Variants in FDXR observed in about 807,000 individuals in gnomAD.
FDXR encodes the protein ferredoxin reductase.
Under a neutral mutation model 58.3 loss-of-function variants are expected in FDXR, and 38 were observed. The ratio of observed to expected loss-of-function variants is 0.65; its 90% confidence interval spans 0.50 to 0.85. The LOEUF is 0.85. FDXR is among the 40% of genes least tolerant of loss of function. The probability of loss-of-function intolerance (pLI) is 0.00; values close to 1 mark genes in which losing one functional copy is unlikely to be tolerated. For missense variants in FDXR, 624 were observed against 671.0 expected (o/e 0.93, Z 0.77); for synonymous variants, 275 against 273.8 (o/e 1.00, Z -0.04).
intron 2 of FDXR, among the ~76,000 whole-genome samples, chr17:74,870,516 CAAAAAA>C (rs1168237892): frequency 1.8e-5 from 1 of 55,008 alleles, no homozygotes; most frequent in African/African-American, 8.5e-5. Context: ...GACTCCATCT[CAAAAAA>C]AAAAAAAAAA....
chr17:74,869,278 G>C (rs2038294817), intron 2 of FDXR, among the ~76,000 whole-genome samples: 1 of 152,234 alleles, frequency 6.6e-6, no homozygotes, highest in African/African-American at 2.4e-5. Context: ...CCCAGCCACA[G>C]AGTTTGATTA....
rs1400465566 is a variant in FDXR at position 74,864,580 on chromosome 17, A to G, written c.718-16T>C. On this transcript the variant is annotated splice_polypyrimidine_tract_variant and intron_variant, in intron 7 of 11. Transcript: ENST00000293195. The stretch of plus-strand genomic sequence containing the variant: ...CCCGAAGCTCCTTGAAGGTGGGAGC[A>G]GGGAATGGGGGAGGAGGTCAGGCCC... The G allele has an allele frequency of 1.2e-6, 2 of 1,610,558 alleles. No homozygotes were observed. Among genetic ancestry groups the G allele is most frequent in the East Asian group, 4.5e-5 (2 of 44,814 alleles).
At chr17:74,868,058 C>T (rs1257290716) in intron 2 of FDXR, among the ~76,000 whole-genome samples, 1 of 151,964 alleles carries the variant, frequency 6.6e-6, no homozygotes, top group Non-Finnish European at 1.5e-5. Context: ...CTCCCTACCC[C>T]CAACAAAGGC....
intron 1 of FDXR, 109 bp downstream of exon 1, chr17:74,872,757 C>T (rs1297776908): frequency 1.3e-6 from 2 of 1,534,760 alleles, no homozygotes; most frequent in Non-Finnish European, 1.7e-6. Flanking sequence ...GAAGACACCC[C>T]TTCAGTCTCA....
Position 74,864,258 on chromosome 17 carries a change from A to G in FDXR, c.892T>C (p.Ser298Pro). The G allele has an allele frequency of 6.3e-7, 1 of 1,599,482 alleles. No individual in the cohort carries two copies. Among genetic ancestry groups the G allele is most frequent in the Non-Finnish European group, 8.5e-7 (1 of 1,169,606 alleles). Residue 298 changes from serine to proline, a missense_variant, in exon 9 of 12, where the codon TCG becomes CCG. Coordinates refer to ENST00000293195, the MANE Select transcript of FDXR (RefSeq NM_024417.5). ...CGGAGGCCCCAGGCACGGGAGGCCG[A>G]TGCCTGGCGGGCAGCTTCCGCCGGC... ...PGPAEAARQA[S>P]ASRAWGLRFF...
intron 1 of FDXR, chr17:74,872,364 C>A (rs886659972): frequency 5.1e-6 from 6 of 1,179,636 alleles, no homozygotes; most frequent in Non-Finnish European, 7.2e-6. Context: ...CCTACTACAC[C>A]ACTGCCAATG....
At position 74,872,129 on chromosome 17, in the gene FDXR, G is replaced by A; in HGVS notation, c.84C>T (p.Phe28=). 1.2e-6 allele frequency: 2 copies of A among 1,604,600 alleles called. No individual in the cohort carries two copies. The highest frequency in any genetic ancestry group is 1.7e-6 in the Non-Finnish European group (2 of 1,175,182). The change falls in exon 2 of 12, where the codon TTC becomes TTT. Residue 28 remains phenylalanine, a synonymous_variant. Coordinates refer to ENST00000293195, the MANE Select transcript of FDXR (RefSeq NM_024417.5). ...RLPPAGSTPS[F]CHHFSTQEKT... ...TCTCCTGTGTGGAGAAATGGTGGCA[G>A]AAGCCTGGGGCCAGGCAGAGGAGAG...
At position 74,862,810 on chromosome 17, in the gene FDXR, G is replaced by A. The variant is rs976577363; in HGVS notation, c.*7C>T. 1 of 1,606,844 alleles carries A rather than the reference G, an allele frequency of 6.2e-7. No individual in the cohort carries two copies. Among genetic ancestry groups the A allele is most frequent in the Non-Finnish European group, 8.5e-7 (1 of 1,178,858 alleles). On this transcript the variant is annotated 3_prime_UTR_variant, in exon 12 of 12. Transcript: ENST00000293195. ...TTCCCTGCTGGGGGCCGGGGCTGGG[G>A]CTGGGCTCAGTGGCCCAGGAGGCGC...
At position 74,862,822 on chromosome 17, in the gene FDXR, G is replaced by A. The variant is rs1272314433; in HGVS notation, c.1471C>T (p.His491Tyr). The change falls in exon 12 of 12, where the codon CAC (histidine) becomes TAC (tyrosine). Residue 491 changes from histidine to tyrosine, a missense_variant. By Grantham distance (83) the His-to-Tyr change is moderately conservative. Transcript: ENST00000293195. ...DPQEMLRLLGH is the reference protein window; with the variant it reads ...DPQEMLRLLGY ...GGCCGGGGCTGGGGCTGGGCTCAGTGGCCCAGGAGGCGCAGCATCTCCTGA... is the reference window on the plus strand; with the variant it reads ...GGCCGGGGCTGGGGCTGGGCTCAGTAGCCCAGGAGGCGCAGCATCTCCTGA... 5.0e-6 allele frequency: 8 copies of A among 1,609,596 alleles called. No homozygotes were observed. The highest frequency in any genetic ancestry group is 6.8e-6 in the Non-Finnish European group (8 of 1,179,512).
chr17:74,864,934 G>A lies in FDXR; in HGVS notation c.610-3C>T. The A allele has an allele frequency of 1.9e-6, 3 of 1,614,136 alleles. No individual in the cohort carries two copies. Among genetic ancestry groups the A allele is most frequent in the Non-Finnish European group, 2.5e-6 (3 of 1,180,000 alleles). ...GCTGCCTTCGTGATGTCCGTTCTCT[G>A]GCACAAAAGGAGGGCCTTGGAGTCA... On this transcript the variant is annotated splice_polypyrimidine_tract_variant and splice_region_variant and intron_variant, in intron 6 of 11. Transcript: ENST00000293195.
rs2038030279 is a variant in FDXR, at chr17:74,863,089, C to G, written c.1332G>C (p.Leu444=). The G allele has an allele frequency of 6.2e-7, 1 of 1,612,280 alleles. No homozygotes were observed. Among genetic ancestry groups the G allele is most frequent in the Non-Finnish European group, 8.5e-7 (1 of 1,179,496 alleles). ...CGGGGCCCAGACCTCGGCTGCTGAGCAGGGCCTGGATGGCTGCGTAGCCAG... is the reference window on the plus strand; with the variant it reads ...CGGGGCCCAGACCTCGGCTGCTGAGGAGGGCCTGGATGGCTGCGTAGCCAG... ...PRPGYAAIQA[L]LSSRGVRPVS... Residue 444 remains leucine (L), a synonymous_variant, in exon 11 of 12, where the codon CTG becomes CTC. Coordinates refer to ENST00000293195, the MANE Select transcript of FDXR (RefSeq NM_024417.5).
At chr17:74,869,968 G>A (rs995426810) in intron 2 of FDXR, 9 of 453,650 alleles carry the variant, frequency 2.0e-5, no homozygotes, top group South Asian at 3.1e-5. Flanking sequence ...CAAGAGGCAC[G>A]ACACCTGCTT....
chr17:74,867,208 G>T (rs1052618089), intron 2 of FDXR, among the ~76,000 whole-genome samples: 1 of 149,902 alleles, frequency 6.7e-6, no homozygotes, highest in Non-Finnish European at 1.5e-5. Flanking sequence ...TTGGGAGGCT[G>T]AGGCAGGAGA....
At position 74,872,990 on chromosome 17, in the gene FDXR, T is replaced by A; in HGVS notation, c.-46A>T. 1 of 1,516,784 alleles carries A rather than the reference T, an allele frequency of 6.6e-7. No individual in the cohort carries two copies. Among genetic ancestry groups the A allele is most frequent in the Non-Finnish European group, 8.9e-7 (1 of 1,123,062 alleles). 94.0% of individuals were successfully genotyped at this position (1,516,784 alleles called of 1,614,324 possible). A position where few individuals can be genotyped will look rare whatever the true frequency, so the allele number is the denominator to read the frequency against. On this transcript the variant is annotated 5_prime_UTR_variant, in exon 1 of 12. Coordinates refer to ENST00000293195, the MANE Select transcript of FDXR (RefSeq NM_024417.5). ...AAGTGGATCTGTTCCTAGCTACTGC[T>A]CCGCAGGGCAAGCCCGCTCCTGCCC... is the stretch of plus-strand genomic sequence containing the variant.
rs2038156279 is a variant in FDXR at position 74,865,771 on chromosome 17, T to A, written c.557A>T (p.Asn186Ile). ...CDTAVILGQG[N>I]VALDVARILL... ...GATGCGGGCCACGTCCAGAGCCACG[T>A]TCCCCTGCCCCAGAATCACGGCTGT... is the stretch of plus-strand genomic sequence containing the variant. The change falls in exon 6 of 12, where the codon AAC becomes ATC. Residue 186 changes from asparagine (N) to isoleucine (I), a missense_variant. Asn to Ile is a moderately radical substitution (Grantham distance 149). Transcript: ENST00000293195. 4.3e-6 allele frequency: 7 copies of A among 1,613,712 alleles called. No individual in the cohort carries two copies. The highest frequency in any genetic ancestry group is 5.9e-6 in the Non-Finnish European group (7 of 1,179,960).
In FDXR at chr17:74,863,987, C is replaced by T. The variant is rs34232683; in HGVS notation, c.1083G>A (p.Gly361=). 929 of 1,614,080 alleles carry T rather than the reference C, an allele frequency of 5.8e-4. 1 individual carries two copies. Among genetic ancestry groups the T allele is most frequent in the Middle Eastern group, 4.8e-3 (29 of 6,062 alleles). The change falls in exon 10 of 12, where the codon GGG becomes GGA. Residue 361 remains glycine (G), a synonymous_variant. Transcript: ENST00000293195. ...TTGGGTCGACAGGGCGGCTCTTATA[C>T]CCAATGCTGCTGAGCACCAGCCCAC... ...LPCGLVLSSI[G]YKSRPVDPSV...
intron 2 of FDXR, among the ~76,000 whole-genome samples, chr17:74,868,992 C>T (rs1324280410): frequency 1.3e-5 from 2 of 152,134 alleles, no homozygotes; most frequent in Non-Finnish European, 2.9e-5. Flanking sequence ...CCTGTTCCCT[C>T]GACCCCATCC....
chr17:74,866,604 G>T, intron 3 of FDXR, 36 bp from the exon 4 acceptor site: 1 of 1,613,128 alleles, frequency 6.2e-7, no homozygotes, highest in East Asian at 2.2e-5. Flanking sequence ...GGGTTAGAGG[G>T]TAAGGCAGCT....
Position 74,862,634 on chromosome 17 carries a change from TA to T in FDXR, c.*182del. 2 of 798,336 alleles carry T rather than the reference TA, an allele frequency of 2.5e-6. No homozygotes were observed. Among genetic ancestry groups the T allele is most frequent in the Non-Finnish European group, 3.8e-6 (2 of 524,210 alleles). The allele number at this position is 798,336 out of a possible 1,614,324, so 49.5% of individuals were successfully genotyped here. ...TAAGGTTACCTCAGTTGCTGAAAGC[TA>T]AAACCTTGCGCGCAAGGGCGACCTT... On this transcript the variant is annotated 3_prime_UTR_variant, in exon 12 of 12. Transcript: ENST00000293195.
Sources: allele counts gnomAD v4.1 joint callset (sites outside exome capture counted in the v4.1 genomes callset), GRCh38; gene constraint gnomAD v4.1.1; transcripts MANE v1.5; gene names NCBI Gene and HGNC (gene_info 2026-07-23, HGNC 2026-07-21).